Variants in RABEP1 observed in about 807,000 individuals in gnomAD.
The protein encoded by RABEP1 is rabaptin, RAB GTPase binding effector protein 1.
A neutral mutation model predicts 123.4 loss-of-function variants in RABEP1; 51 were observed. The ratio of observed to expected loss-of-function variants is 0.41; its 90% confidence interval spans 0.33 to 0.52. The LOEUF (loss-of-function observed/expected upper bound fraction) is 0.52. Among genes scored for constraint, RABEP1 ranks in the 20% least tolerant of loss-of-function variants. The pLI, the probability that RABEP1 is intolerant of heterozygous loss-of-function variation, is 0.16. For missense variants in RABEP1, 888 were observed against 996.3 expected (o/e 0.89, Z 1.46); for synonymous variants, 347 against 355.2 (o/e 0.98, Z 0.26).
At chr17:5,325,169 CAAA>C (rs57112311) in intron 2 of RABEP1, among the ~76,000 whole-genome samples, 1 of 150,222 alleles carries the variant, frequency 6.7e-6, no homozygotes, top group Non-Finnish European at 1.5e-5. Flanking sequence ...AAAAACAAAC[CAAA>C]AAAAAACCCA....
rs373299485 is a variant in RABEP1, at chr17:5,378,245, T to C, written c.2271+13T>C. 120 of 1,568,318 alleles carry C rather than the reference T, an allele frequency of 7.7e-5. No homozygotes were observed. The highest frequency in any genetic ancestry group is 9.6e-5 in the Non-Finnish European group (109 of 1,138,520). ...GGAAAAAGGACAGGTAAGTCGTGAG[T>C]TTCAAATTAATTCTATCAGCAACCA... On this transcript the variant is annotated intron_variant, in intron 15 of 17. Coordinates refer to ENST00000537505, the MANE Select transcript of RABEP1 (RefSeq NM_004703.6).
chr17:5,327,899 T>A lies in RABEP1; in HGVS notation c.164-4050T>A, dbSNP rs181289741. On this transcript the variant is annotated intron_variant, in intron 2 of 17. Transcript: ENST00000537505. Reference sequence around the variant, plus strand: ...AATTTGAAATATGACAAAGATGACATTGTCAAAATGGGAAAAGACTGGGAC... The same window carrying A: ...AATTTGAAATATGACAAAGATGACAATGTCAAAATGGGAAAAGACTGGGAC... 1.1e-4 allele frequency among the ~76,000 whole-genome samples: 16 copies of A among 152,236 alleles called. No individual in the cohort carries two copies. The East Asian group carries it at 3.1e-3, about 29-fold the overall frequency.
At chr17:5,300,966 T>G (rs1447191700) in intron 1 of RABEP1, among the ~76,000 whole-genome samples, 1 of 152,098 alleles carries the variant, frequency 6.6e-6, no homozygotes. Context: ...CCGGGAAGCC[T>G]GGGATGGGGC....
chr17:5,321,628 A>G (rs1179049679), intron 2 of RABEP1, among the ~76,000 whole-genome samples: 1 of 152,146 alleles, frequency 6.6e-6, no homozygotes, highest in Non-Finnish European at 1.5e-5. Context: ...AACCCAAGAA[A>G]GAAACCCACT....
At chr17:5,374,633 A>T (rs1161262415) in intron 13 of RABEP1, among the ~76,000 whole-genome samples, 2 of 149,296 alleles carry the variant, frequency 1.3e-5, no homozygotes, top group African/African-American at 5.0e-5. Context: ...TTTTTTTATT[A>T]TTTTTTATTT....
intron 1 of RABEP1, among the ~76,000 whole-genome samples, chr17:5,299,272 C>G (rs949384456): frequency 1.3e-5 from 2 of 152,090 alleles, no homozygotes; most frequent in African/African-American, 4.8e-5. Context: ...ATCTTGTACA[C>G]TTCCTGCCCT....
At chr17:5,344,454 CA>C (rs908337457) in intron 5 of RABEP1, among the ~76,000 whole-genome samples, 2 of 151,894 alleles carry the variant, frequency 1.3e-5, no homozygotes, top group African/African-American at 4.8e-5. Context: ...GCCAAGTCCA[CA>C]AGTGACAGAT....
chr17:5,375,629 C>T (rs1597297342), intron 13 of RABEP1, among the ~76,000 whole-genome samples: 1 of 152,018 alleles, frequency 6.6e-6, no homozygotes, highest in African/African-American at 2.4e-5. Context: ...TCGCCTGAGC[C>T]CAGGAGGTCA....
intron 2 of RABEP1, among the ~76,000 whole-genome samples, chr17:5,328,673 C>T (rs1174926587): frequency 7.0e-5 from 9 of 129,038 alleles, no homozygotes; most frequent in Middle Eastern, 5.4e-3. Context: ...AAAAAAAAAG[C>T]CGGGCGCAGT....
chr17:5,348,228 C>T (rs952064812), intron 6 of RABEP1, among the ~76,000 whole-genome samples: 2 of 152,230 alleles, frequency 1.3e-5, no homozygotes, highest in African/African-American at 4.8e-5. Flanking sequence ...ATCCATCCGC[C>T]TCAGCCTCCC....
Position 5,346,768 on chromosome 17 carries a change from A to G in RABEP1, c.649-22A>G, listed in dbSNP as rs747840185. ...AGAAACTGTTGTAAATTTCAGTTTA[A>G]TGGAATTGCATCTTCTTTCAGGTTA... On this transcript the variant is annotated intron_variant, in intron 5 of 17. Coordinates refer to ENST00000537505, the MANE Select transcript of RABEP1 (RefSeq NM_004703.6). 41 of 1,492,722 alleles carry G rather than the reference A, an allele frequency of 2.7e-5. No individual in the cohort carries two copies. In the Admixed American group the frequency reaches 3.6e-4, roughly 13 times the overall value. The allele number at this position is 1,492,722 out of a possible 1,614,324, so 92.5% of individuals were successfully genotyped here. A position where few individuals can be genotyped will look rare whatever the true frequency, so the allele number is the denominator to read the frequency against.
chr17:5,307,753 C>A (rs1011769911), intron 1 of RABEP1, among the ~76,000 whole-genome samples: 1 of 152,112 alleles, frequency 6.6e-6, no homozygotes, highest in African/African-American at 2.4e-5. Context: ...ATTATAGAGT[C>A]CATAAAGTAA....
chr17:5,291,113 A>G (rs1382668952), intron 1 of RABEP1, among the ~76,000 whole-genome samples: 2 of 152,198 alleles, frequency 1.3e-5, no homozygotes, highest in East Asian at 3.8e-4. Flanking sequence ...TACAAAGTGT[A>G]AAAGAAAACT....
At chr17:5,343,599 C>T (rs1210212368) in intron 5 of RABEP1, among the ~76,000 whole-genome samples, 4 of 151,012 alleles carry the variant, frequency 2.6e-5, no homozygotes, top group African/African-American at 9.7e-5. Flanking sequence ...TACTTCAAGT[C>T]GTACTATCTG....
intron 2 of RABEP1, among the ~76,000 whole-genome samples, chr17:5,323,622 A>G (rs1905606170): frequency 1.3e-5 from 2 of 150,546 alleles, no homozygotes; most frequent in Non-Finnish European, 3.0e-5. Context: ...ATACACACAC[A>G]ACACAGACCA....
chr17:5,290,025 T>C (rs1232728957), intron 1 of RABEP1, among the ~76,000 whole-genome samples: 1 of 152,228 alleles, frequency 6.6e-6, no homozygotes, highest in Non-Finnish European at 1.5e-5. Flanking sequence ...GCTAGGTTTT[T>C]ATCCACTGAA....
At chr17:5,290,659 C>G (rs528470883) in intron 1 of RABEP1, among the ~76,000 whole-genome samples, 31 of 152,118 alleles carry the variant, frequency 2.0e-4, no homozygotes, top group Non-Finnish European at 4.1e-4. Context: ...GTGCCGCTAT[C>G]TTAGCTGACT....
At chr17:5,369,392 C>G (rs761494855) in intron 12 of RABEP1, among the ~76,000 whole-genome samples, 6 of 152,136 alleles carry the variant, frequency 3.9e-5, no homozygotes, top group Admixed American at 1.3e-4. Flanking sequence ...TGGGGTGATT[C>G]TACAAGGCTG....
At position 5,377,196 on chromosome 17, in the gene RABEP1, G is replaced by A. The variant is rs1911060575; in HGVS notation, c.2106G>A (p.Leu702=). 6.2e-7 allele frequency: 1 copy of A among 1,613,266 alleles called. No homozygotes were observed. The highest frequency in any genetic ancestry group is 1.7e-5 in the Admixed American group (1 of 59,702). ...RTAADHVEEK[L]KAEILFLKEQ... ...CAGCAGACCACGTAGAAGAAAAGCTGAAGGCTGAGATACTTTTCCTAAAAG... is the reference window on the plus strand; with the variant it reads ...CAGCAGACCACGTAGAAGAAAAGCTAAAGGCTGAGATACTTTTCCTAAAAG... Residue 702 remains leucine (L), a synonymous_variant, in exon 14 of 18, where the codon CTG becomes CTA. Coordinates refer to ENST00000537505, the MANE Select transcript of RABEP1 (RefSeq NM_004703.6).
Sources: gnomAD v4.1 joint callset for allele counts (sites outside exome capture counted in the v4.1 genomes callset) on GRCh38, gnomAD v4.1.1 for gene constraint, MANE v1.5 for transcripts, NCBI Gene and HGNC (gene_info 2026-07-23, HGNC 2026-07-21) for gene names.